KIDINS220: variants seen among roughly 807,000 people sequenced by gnomAD.
KIDINS220 encodes kinase D interacting substrate 220.
Under a neutral mutation model 157.6 loss-of-function variants are expected in KIDINS220, and 63 were observed. The observed-to-expected ratio is 0.40, with a 90% CI of 0.33 to 0.49. KIDINS220 has a LOEUF of 0.49. Ranked by LOEUF, KIDINS220 falls within the 20% of genes least tolerant of loss-of-function variation. The pLI, the probability that KIDINS220 is intolerant of heterozygous loss-of-function variation, is 0.66. For missense variants in KIDINS220, 1,772 were observed against 2,171.2 expected (o/e 0.82, Z 3.65); for synonymous variants, 732 against 783.6 (o/e 0.93, Z 1.10).
chr2:8,750,330 G>A lies in KIDINS220; in HGVS notation c.3196C>T (p.Arg1066Cys), dbSNP rs752120155. 15 of 1,554,872 alleles carry A rather than the reference G, an allele frequency of 9.6e-6. No homozygotes were observed. Among genetic ancestry groups the A allele is most frequent in the African/African-American group, 5.4e-5 (4 of 73,800 alleles). ...ATACTGATCTGCTCTCTGGCAGCAC[G>A]AACATCTGAAAGATTCAATCAGACC... is the stretch of plus-strand genomic sequence containing the variant. ...PKLREIIADVRAAREQISIGG... is the reference protein window; with the variant it reads ...PKLREIIADVCAAREQISIGG... Residue 1066 changes from arginine (R) to cysteine (C), a missense_variant, in exon 24 of 30, where the codon CGT (arginine) becomes TGT (cysteine). Around this residue, in one of 3 missense-constraint regions of KIDINS220, gnomAD observed 793 missense variants for 885.5 expected, o/e 0.90. Transcript: ENST00000256707.
intron 1 of KIDINS220, among the ~76,000 whole-genome samples, chr2:8,831,858 T>C (rs1300151925): frequency 2.6e-5 from 4 of 152,188 alleles, no homozygotes; most frequent in African/African-American, 9.7e-5. Flanking sequence ...CACCAGGATA[T>C]GAAGACAAAA....
chr2:8,727,364 TC>T (rs1166370675), downstream of KIDINS220: 9 of 647,494 alleles, frequency 1.4e-5, no homozygotes, highest in Non-Finnish European at 1.7e-5. Context: ...ACCCACGTAT[TC>T]CCTCAAGTCA....
rs1319038212 is a variant in KIDINS220, at chr2:8,813,225, G to A, written c.405+12C>T. The A allele has an allele frequency of 6.3e-7, 1 of 1,581,764 alleles. No homozygotes were observed. The highest frequency in any genetic ancestry group is 8.6e-7 in the Non-Finnish European group (1 of 1,163,638). The stretch of plus-strand genomic sequence containing the variant: ...ACTTATAATACAAACAAATTTTTTT[G>A]TTAATGCTTACCAGACCAGTGACAC... On this transcript the variant is annotated intron_variant, in intron 5 of 29. Transcript: ENST00000256707.
intron 2 of KIDINS220, among the ~76,000 whole-genome samples, chr2:8,823,662 T>C (rs1678329524): frequency 6.6e-6 from 1 of 152,148 alleles, no homozygotes; most frequent in Non-Finnish European, 1.5e-5. Context: ...TGATGTGCTA[T>C]TTTTTCCTTC....
chr2:8,792,632 C>T (rs1206496645), intron 12 of KIDINS220, among the ~76,000 whole-genome samples: 1 of 151,884 alleles, frequency 6.6e-6, no homozygotes, highest in African/African-American at 2.4e-5. Flanking sequence ...CTGGAAATAC[C>T]CAGTGCTAGC....
At chr2:8,744,623 C>A (rs1234839533) in intron 26 of KIDINS220, among the ~76,000 whole-genome samples, 2 of 151,196 alleles carry the variant, frequency 1.3e-5, no homozygotes, top group African/African-American at 4.9e-5. Flanking sequence ...TGGGAAATCC[C>A]GTTGTCCAGA....
At chr2:8,776,145 C>T (rs1453170230) in intron 21 of KIDINS220, among the ~76,000 whole-genome samples, 1 of 151,974 alleles carries the variant, frequency 6.6e-6, no homozygotes, top group Non-Finnish European at 1.5e-5. Context: ...AGCATGAACC[C>T]CAACAATATT....
intron 2 of KIDINS220, among the ~76,000 whole-genome samples, chr2:8,825,372 CAAAAA>C (rs369409976): frequency 9.2e-6 from 1 of 108,666 alleles, no homozygotes; most frequent in Non-Finnish European, 1.8e-5. Flanking sequence ...GACTCCGTCT[CAAAAA>C]AAAAAAAGAA....
At chr2:8,757,661 G>C (rs754420612) in intron 22 of KIDINS220, 3 of 1,611,992 alleles carry the variant, frequency 1.9e-6, no homozygotes, top group Non-Finnish European at 2.5e-6. Flanking sequence ...GTCATGGCCT[G>C]TTCCATGTCC....
In KIDINS220 at chr2:8,788,837, T is replaced by G. The variant is rs543546380; in HGVS notation, c.1622-25A>C. 7 of 1,606,768 alleles carry G rather than the reference T, an allele frequency of 4.4e-6. 1 individual carries two copies. The East Asian group carries it at 6.7e-5, about 15-fold the overall frequency. On this transcript the variant is annotated intron_variant, in intron 14 of 29. Transcript: ENST00000256707. ...ACTGAAATTCACAGTTTAAAAAAGT[T>G]ATCCAAAGCAGTCACTAGTCAAGCA... is the stretch of plus-strand genomic sequence containing the variant.
Position 8,730,893 on chromosome 2 carries a change from G to C in KIDINS220, c.5143C>G (p.Pro1715Ala). ...GTGGTTGGGTTGGGACTGGAACTAG[G>C]CCTCAAAATGACTTGAGAAGTCTCC... ...IRETSQVILR[P>A]SSSPNPTTIQ... The change falls in exon 30 of 30, where the codon CCT (proline) becomes GCT (alanine). Residue 1715 changes from proline to alanine, a missense_variant. Coordinates refer to ENST00000256707, the MANE Select transcript of KIDINS220 (RefSeq NM_020738.4). 1 of 1,614,164 alleles carries C rather than the reference G, an allele frequency of 6.2e-7. No individual in the cohort carries two copies. Among genetic ancestry groups the C allele is most frequent in the Non-Finnish European group, 8.5e-7 (1 of 1,180,044 alleles).
At chr2:8,781,941 G>C (rs1488589847) in intron 17 of KIDINS220, among the ~76,000 whole-genome samples, 1 of 151,962 alleles carries the variant, frequency 6.6e-6, no homozygotes, top group East Asian at 1.9e-4. Flanking sequence ...GGGGAACATG[G>C]TGAAACCCTA....
At chr2:8,726,804 C>A, downstream of KIDINS220, 1 of 569,846 alleles carries the variant, frequency 1.8e-6, no homozygotes, top group Non-Finnish European at 3.0e-6. Context: ...GGCCCACTGT[C>A]ACAGATGTGG....
At chr2:8,728,742 A>C, downstream of KIDINS220, 1 of 530,032 alleles carries the variant, frequency 1.9e-6, no homozygotes, top group Non-Finnish European at 2.4e-6. Flanking sequence ...ACTGGGACTT[A>C]CGAGCCACAT....
chr2:8,795,133 C>T (rs376208726), intron 11 of KIDINS220, among the ~76,000 whole-genome samples: 2 of 152,182 alleles, frequency 1.3e-5, no homozygotes, highest in Non-Finnish European at 2.9e-5. Context: ...TCATCTTAGT[C>T]GCTCCCATGC....
chr2:8,830,709 G>A (rs537627792), intron 1 of KIDINS220, among the ~76,000 whole-genome samples: 4 of 152,160 alleles, frequency 2.6e-5, no homozygotes, highest in South Asian at 2.1e-4. Flanking sequence ...GTGAGCCACC[G>A]CACCTGGCCT....
rs1663762202 is a variant in KIDINS220 at position 8,729,657 on chromosome 2, T to C, written c.*1063A>G. 2 of 984,452 alleles carry C rather than the reference T, an allele frequency of 2.0e-6. No homozygotes were observed. The highest frequency in any genetic ancestry group is 3.5e-5 in the African/African-American group (2 of 57,356). The allele number at this position is 984,452 out of a possible 1,614,324, so 61.0% of individuals were successfully genotyped here. ...TTTTTTTAAAAAGTATTTCCTTTCT[T>C]ATGATCCTTCCCCAGAACTAACATG... is the stretch of plus-strand genomic sequence containing the variant. On this transcript the variant is annotated 3_prime_UTR_variant, in exon 30 of 30. Coordinates refer to ENST00000256707, the MANE Select transcript of KIDINS220 (RefSeq NM_020738.4).
In KIDINS220 at chr2:8,806,307, T is replaced by A; in HGVS notation, c.567A>T (p.Leu189Phe). Residue 189 changes from leucine (L) to phenylalanine (F), a missense_variant, in exon 7 of 30, where the codon TTA becomes TTT. Around this residue, in one of 3 missense-constraint regions of KIDINS220, gnomAD observed 254 missense variants for 268.6 expected, o/e 0.95. Transcript: ENST00000256707. ...GATCCACATCAGCTCCCATGGCCAA[T>A]AAATGTTTCACACATTCCAAATGAC... The part of the protein sequence containing the change: ...RKGHLECVKH[L>F]LAMGADVDQE... 1 of 1,611,168 alleles carries A rather than the reference T, an allele frequency of 6.2e-7. No homozygotes were observed. Among genetic ancestry groups the A allele is most frequent in the Non-Finnish European group, 8.5e-7 (1 of 1,178,286 alleles).
At chr2:8,790,120 C>T (rs978325225) in intron 13 of KIDINS220, 61 bp from the exon 14 acceptor site, 6 of 1,452,536 alleles carry the variant, frequency 4.1e-6, no homozygotes, top group Admixed American at 2.3e-5. Context: ...CAACTTTTAA[C>T]TCAATATGCA....
Sources: gnomAD v4.1 joint callset for allele counts (sites outside exome capture counted in the v4.1 genomes callset) on GRCh38, gnomAD v4.1.1 for gene constraint, gnomAD v4.1.1 regional missense constraint, MANE v1.5 for transcripts, NCBI Gene and HGNC (gene_info 2026-07-23, HGNC 2026-07-21) for gene names.